The following CADM2 variants were observed in gnomAD, a reference collection of about 807,000 sequenced individuals.
CADM2 encodes the protein immunoglobulin superfamily member 4D.
In CADM2, 12 loss-of-function variants were observed where a neutral mutation model predicts 49.8. That is an observed-to-expected ratio of 0.24 (90% CI 0.15 to 0.39). CADM2 has a LOEUF of 0.39. Ranked by LOEUF, CADM2 falls within the 10% of genes least tolerant of loss-of-function variation. CADM2 has a pLI of 1.00. For synonymous variants in CADM2, 214 were observed against 175.4 expected (o/e 1.22, Z -1.74); for missense variants, 378 against 492.3 (o/e 0.77, Z 2.20).
chr3:85,850,593 G>A (rs1339289915), intron 3 of CADM2, among the ~76,000 whole-genome samples: 1 of 152,034 alleles, frequency 6.6e-6, no homozygotes, highest in Non-Finnish European at 1.5e-5. Flanking sequence ...CTCCCAAAGT[G>A]CTGGGATTAC....
intron 3 of CADM2, among the ~76,000 whole-genome samples, chr3:85,816,448 C>T: frequency 6.6e-6 from 1 of 152,094 alleles, no homozygotes; most frequent in East Asian, 1.9e-4. Flanking sequence ...AATTTATAAT[C>T]TACAATGTAC....
At chr3:85,511,953 A>T in intron 1 of CADM2, 2 of 794,158 alleles carry the variant, frequency 2.5e-6, no homozygotes, top group Non-Finnish European at 3.1e-6. Context: ...CAATATATAA[A>T]TATATATGTG....
intron 2 of CADM2, among the ~76,000 whole-genome samples, chr3:85,782,554 G>T (rs538206227): frequency 6.6e-6 from 1 of 151,672 alleles, no homozygotes; most frequent in Admixed American, 6.6e-5. Context: ...TACTTTGGAG[G>T]CTGAGGCAGG....
At chr3:84,991,272 G>A (rs945275001) in intron 1 of CADM2, among the ~76,000 whole-genome samples, 1 of 147,514 alleles carries the variant, frequency 6.8e-6, no homozygotes, top group African/African-American at 2.5e-5. Flanking sequence ...TTTTCCCGAG[G>A]GAAAATTCTG....
intron 1 of CADM2, among the ~76,000 whole-genome samples, chr3:85,691,543 C>T (rs981354065): frequency 2.6e-5 from 4 of 152,148 alleles, no homozygotes; most frequent in African/African-American, 9.7e-5. Context: ...TAAACTAGTT[C>T]AACCATTGTG....
chr3:85,079,998 A>G (rs375345303), intron 1 of CADM2, among the ~76,000 whole-genome samples: 1 of 152,030 alleles, frequency 6.6e-6, no homozygotes, highest in Non-Finnish European at 1.5e-5. Context: ...AACACAAAAT[A>G]AACTTTAGAG....
chr3:85,168,160 A>T (rs1389103448), intron 1 of CADM2, among the ~76,000 whole-genome samples: 1 of 152,050 alleles, frequency 6.6e-6, no homozygotes, highest in Non-Finnish European at 1.5e-5. Flanking sequence ...GATTCCAGTG[A>T]TTCTCTTGCC....
At chr3:86,008,236 C>T (rs1183429920) in intron 8 of CADM2, among the ~76,000 whole-genome samples, 1 of 152,112 alleles carries the variant, frequency 6.6e-6, no homozygotes, top group East Asian at 1.9e-4. Context: ...GAATGAAAGA[C>T]ACGTGCAGCC....
intron 1 of CADM2, among the ~76,000 whole-genome samples, chr3:85,711,526 T>C (rs2067117523): frequency 6.6e-6 from 1 of 152,216 alleles, no homozygotes; most frequent in African/African-American, 2.4e-5. Context: ...AAGAAAACTT[T>C]CTGAAGAATT....
At chr3:85,145,973 G>C (rs1351737089) in intron 1 of CADM2, among the ~76,000 whole-genome samples, 1 of 152,156 alleles carries the variant, frequency 6.6e-6, no homozygotes, top group Non-Finnish European at 1.5e-5. Flanking sequence ...AGGTTAAGGA[G>C]AGACAATAAA....
intron 1 of CADM2, among the ~76,000 whole-genome samples, chr3:85,112,625 A>G (rs889028557): frequency 2.6e-5 from 4 of 151,890 alleles, no homozygotes; most frequent in Admixed American, 2.0e-4. Context: ...TACTATATAT[A>G]AAATACTTTA....
chr3:84,979,298 T>C (rs1221290086), intron 1 of CADM2, among the ~76,000 whole-genome samples: 1 of 152,194 alleles, frequency 6.6e-6, no homozygotes, highest in East Asian at 1.9e-4. Context: ...GGTTTGCTGC[T>C]TGTAAAATGG....
intron 2 of CADM2, among the ~76,000 whole-genome samples, chr3:85,778,903 T>C (rs957597702): frequency 1.3e-5 from 2 of 152,166 alleles, no homozygotes; most frequent in Admixed American, 1.3e-4. Context: ...ATACACTTTA[T>C]CTTCATTGTG....
chr3:85,538,990 T>G (rs145707196), intron 1 of CADM2, among the ~76,000 whole-genome samples: 41 of 152,240 alleles, frequency 2.7e-4, no homozygotes, highest in African/African-American at 9.6e-4. Context: ...AAAAGCCTTC[T>G]TAATACAACA....
intron 1 of CADM2, among the ~76,000 whole-genome samples, chr3:85,058,108 G>A (rs868693324): frequency 2.0e-5 from 3 of 152,108 alleles, no homozygotes; most frequent in Non-Finnish European, 4.4e-5. Context: ...ATGTATGTGT[G>A]CACTAATGCA....
chr3:85,348,217 G>GCT (rs2030965111), intron 1 of CADM2, among the ~76,000 whole-genome samples: 1 of 152,098 alleles, frequency 6.6e-6, no homozygotes, highest in Non-Finnish European at 1.5e-5. Flanking sequence ...CAATATGAAG[G>GCT]CTCTCAGGTG....
chr3:84,991,782 G>T (rs2107179654), intron 1 of CADM2, among the ~76,000 whole-genome samples: 1 of 152,228 alleles, frequency 6.6e-6, no homozygotes, highest in African/African-American at 2.4e-5. Context: ...GATAAACTGT[G>T]GTTCATTCAA....
intron 2 of CADM2, among the ~76,000 whole-genome samples, chr3:85,751,312 G>A (rs940182066): frequency 4.6e-5 from 7 of 151,974 alleles, no homozygotes; most frequent in South Asian, 2.1e-4. Context: ...TTTTCTCAAC[G>A]GCAAACAGTT....
chr3:85,902,021 C>T (rs1716196083), intron 5 of CADM2, among the ~76,000 whole-genome samples: 1 of 151,998 alleles, frequency 6.6e-6, no homozygotes, highest in Non-Finnish European at 1.5e-5. Flanking sequence ...GTTATTTAGT[C>T]ATTCATTAGT....
Sources: gnomAD v4.1 joint callset for allele counts (sites outside exome capture counted in the v4.1 genomes callset) on GRCh38, gnomAD v4.1.1 for gene constraint, MANE v1.5 for transcripts, NCBI Gene and HGNC (gene_info 2026-07-23, HGNC 2026-07-21) for gene names.